PMFBP1: variants seen among roughly 807,000 people sequenced by gnomAD.
The protein encoded by PMFBP1 is polyamine-modulated factor 1-binding protein 1.
A neutral mutation model predicts 137.8 loss-of-function variants in PMFBP1; 131 were observed. That is an observed-to-expected ratio of 0.95 (90% confidence interval 0.82 to 1.10). The LOEUF (loss-of-function observed/expected upper bound fraction) is 1.10, where lower values mean the gene tolerates loss of function less well. Among genes scored for constraint, PMFBP1 ranks in the 50% least tolerant of loss-of-function variants. PMFBP1 has a pLI of 0.00. For missense variants in PMFBP1, 1,199 were observed against 1,175.4 expected (o/e 1.02, Z -0.29); for synonymous variants, 490 against 450.4 (o/e 1.09, Z -1.11).
intron 5 of PMFBP1, among the ~76,000 whole-genome samples, chr16:72,146,429 G>T (rs1449855323): frequency 6.6e-6 from 1 of 152,156 alleles, no homozygotes; most frequent in Non-Finnish European, 1.5e-5. Context: ...TACTGAAAGG[G>T]CAAAAACCGG....
At chr16:72,141,515 T>C (rs1270118863) in intron 5 of PMFBP1, among the ~76,000 whole-genome samples, 1 of 152,214 alleles carries the variant, frequency 6.6e-6, no homozygotes, top group Non-Finnish European at 1.5e-5. Context: ...TATATTTACA[T>C]AATATAAATG....
chr16:72,162,505 T>C (rs2043078335), intron 3 of PMFBP1, among the ~76,000 whole-genome samples: 1 of 152,192 alleles, frequency 6.6e-6, no homozygotes, highest in East Asian at 1.9e-4. Context: ...TGTTAGAGAG[T>C]AGTCAGAATT....
intron 19 of PMFBP1, 93 bp downstream of exon 19, chr16:72,122,821 T>C: frequency 8.5e-7 from 1 of 1,183,032 alleles, no homozygotes; most frequent in East Asian, 2.4e-5. Context: ...CCTGGGCTGA[T>C]CCCCCTATCA....
At chr16:72,162,683 C>T (rs1375193805) in intron 3 of PMFBP1, among the ~76,000 whole-genome samples, 5 of 152,194 alleles carry the variant, frequency 3.3e-5, no homozygotes, top group East Asian at 1.9e-4. Flanking sequence ...AAAAAGAGCT[C>T]GCTTTAAAGC....
downstream of PMFBP1, among the ~76,000 whole-genome samples, chr16:72,118,445 A>G (rs1251339953): frequency 6.6e-6 from 1 of 152,186 alleles, no homozygotes; most frequent in Non-Finnish European, 1.5e-5. Context: ...CTTGGCCTTT[A>G]TTAGGCCCAG....
chr16:72,179,388 C>T (rs2043269131), upstream of PMFBP1, among the ~76,000 whole-genome samples: 2 of 152,148 alleles, frequency 1.3e-5, no homozygotes, highest in South Asian at 4.1e-4. Context: ...TGTCAAACGC[C>T]AGCTCAGTTT....
At chr16:72,134,633 C>T (rs2042597638) in intron 9 of PMFBP1, among the ~76,000 whole-genome samples, 1 of 152,204 alleles carries the variant, frequency 6.6e-6, no homozygotes, top group African/African-American at 2.4e-5. Context: ...CCCTTGCCAC[C>T]CTCACAACTC....
chr16:72,168,316 T>G (rs1180061041), intron 2 of PMFBP1, among the ~76,000 whole-genome samples: 1 of 152,200 alleles, frequency 6.6e-6, no homozygotes, highest in Non-Finnish European at 1.5e-5. Context: ...CGATTTTTAA[T>G]TATAGGGAGT....
In PMFBP1 at chr16:72,128,681, T is replaced by A. The variant is rs562267882; in HGVS notation, c.2064A>T (p.Gln688His). 8 of 1,614,196 alleles carry A rather than the reference T, an allele frequency of 5.0e-6. No individual in the cohort carries two copies. The East Asian group carries it at 1.6e-4, about 31-fold the overall frequency. ...CCTCTTTATTCAAGTCTTGGATGAC[T>A]TGCTGGCTGGTGTTGTATTTGTTGA... is the stretch of plus-strand genomic sequence containing the variant. Reference protein sequence around the residue: ...SSLNKYNTSQQVIQDLNKEIA... With the variant: ...SSLNKYNTSQHVIQDLNKEIA... The change falls in exon 14 of 21, where the codon CAA becomes CAT. Residue 688 changes from glutamine (Q) to histidine (H), a missense_variant. Physicochemically the swap from Gln to His is conservative, Grantham distance 24. Coordinates refer to ENST00000237353, the MANE Select transcript of PMFBP1 (RefSeq NM_031293.3).
chr16:72,220,867 A>C, the PMFBP1 span, among the ~76,000 whole-genome samples: 1 of 152,272 alleles, frequency 6.6e-6, no homozygotes, highest in African/African-American at 2.4e-5. Flanking sequence ...TTTTTCCCTA[A>C]TCACTGTCTG....
At chr16:72,207,392 G>A in the PMFBP1 span, among the ~76,000 whole-genome samples, 1 of 152,138 alleles carries the variant, frequency 6.6e-6, no homozygotes, top group African/African-American at 2.4e-5. Context: ...GAAGAAAAAG[G>A]GATGGTTTTG....
the PMFBP1 span, among the ~76,000 whole-genome samples, chr16:72,227,828 G>A: frequency 3.3e-5 from 5 of 152,172 alleles, no homozygotes; most frequent in African/African-American, 1.2e-4. Context: ...AAATGATGTG[G>A]CATATATATG....
chr16:72,186,260 C>T, the PMFBP1 span, among the ~76,000 whole-genome samples: 30 of 152,288 alleles, frequency 2.0e-4, no homozygotes, highest in African/African-American at 6.5e-4. Flanking sequence ...GGAAGAAGCT[C>T]CCCTGTAATC....
chr16:72,249,799 T>C, the PMFBP1 span, among the ~76,000 whole-genome samples: 1 of 148,748 alleles, frequency 6.7e-6, no homozygotes, highest in Non-Finnish European at 1.5e-5. Context: ...CGGGCACCTG[T>C]AGTCCCAGTT....
chr16:72,134,780 C>T (rs921858783), intron 9 of PMFBP1, among the ~76,000 whole-genome samples: 3 of 152,204 alleles, frequency 2.0e-5, no homozygotes, highest in African/African-American at 7.2e-5. Flanking sequence ...CAAATCTCTG[C>T]CCAAATGTCA....
upstream of PMFBP1, among the ~76,000 whole-genome samples, chr16:72,177,531 T>C (rs2043263109): frequency 6.6e-6 from 1 of 152,178 alleles, no homozygotes; most frequent in South Asian, 2.1e-4. Flanking sequence ...TTTGAAATAA[T>C]TTTAGATTTC....
the PMFBP1 span, among the ~76,000 whole-genome samples, chr16:72,238,106 A>G: frequency 5.1e-4 from 78 of 152,344 alleles, 1 homozygote; most frequent in African/African-American, 1.7e-3. Context: ...TGCAATGAAC[A>G]TATGTGTGCA....
At chr16:72,162,290 A>G (rs1369173437) in intron 3 of PMFBP1, among the ~76,000 whole-genome samples, 1 of 152,144 alleles carries the variant, frequency 6.6e-6, no homozygotes, top group African/African-American at 2.4e-5. Context: ...TAGCCACCTC[A>G]TTTGCTTCAC....
chr16:72,213,577 C>T, the PMFBP1 span, among the ~76,000 whole-genome samples: 1 of 152,200 alleles, frequency 6.6e-6, no homozygotes, highest in African/African-American at 2.4e-5. Flanking sequence ...TTTGAGAGGA[C>T]TACAGTCCTA....
Sources: allele counts gnomAD v4.1 joint callset (sites outside exome capture counted in the v4.1 genomes callset), GRCh38; gene constraint gnomAD v4.1.1; transcripts MANE v1.5; gene names NCBI Gene and HGNC (gene_info 2026-07-23, HGNC 2026-07-21).